Variants in SOX6 observed in about 807,000 individuals in gnomAD.
SOX6 encodes SRY-box transcription factor 6, also known as transcription factor SOX-6.
A neutral mutation model predicts 97.8 loss-of-function variants in SOX6; 11 were observed. The ratio of observed to expected loss-of-function variants is 0.11; its 90% CI spans 0.07 to 0.19. SOX6 has a LOEUF of 0.19. Among genes scored for constraint, SOX6 ranks in the 10% least tolerant of loss-of-function variants. The pLI, the probability that SOX6 is intolerant of heterozygous loss-of-function variation, is 1.00. For synonymous variants in SOX6, 360 were observed against 371.4 expected, an observed-to-expected ratio of 0.97 and a Z score of 0.35; for missense variants, 810 against 1,039.5, an observed-to-expected ratio of 0.78 and a Z score of 3.04.
At chr11:16,437,261 C>A (rs1440877091) in intron 1 of SOX6, among the ~76,000 whole-genome samples, 2 of 147,178 alleles carry the variant, frequency 1.4e-5, no homozygotes, top group East Asian at 4.1e-4. Flanking sequence ...AGAGCAAAAC[C>A]CTGTCTCTAT....
chr11:16,566,356 T>C (rs1320497202), intron 4 of SOX6, among the ~76,000 whole-genome samples: 2 of 152,224 alleles, frequency 1.3e-5, no homozygotes, highest in African/African-American at 4.8e-5. Context: ...TACCAAACTT[T>C]GAAATATTTA....
chr11:16,639,270 A>T (rs374899730), intron 3 of SOX6, among the ~76,000 whole-genome samples: 1 of 152,038 alleles, frequency 6.6e-6, no homozygotes, highest in Admixed American at 6.6e-5. Context: ...TTCCATTGGT[A>T]TATATCTCTG....
intron 12 of SOX6, among the ~76,000 whole-genome samples, chr11:16,021,364 A>T (rs756107770): frequency 3.3e-5 from 5 of 152,168 alleles, no homozygotes; most frequent in Non-Finnish European, 2.9e-5. Context: ...CTCCAGAAAC[A>T]TCACTTAACC....
chr11:16,014,771 T>C (rs1854830990), intron 13 of SOX6, among the ~76,000 whole-genome samples, 171 bp downstream of exon 13: 1 of 152,084 alleles, frequency 6.6e-6, no homozygotes, highest in African/African-American at 2.4e-5. Flanking sequence ...TCTACTATAA[T>C]GCACAACATA....
intron 1 of SOX6, among the ~76,000 whole-genome samples, chr11:16,391,977 G>A (rs973373964): frequency 2.6e-5 from 4 of 151,874 alleles, no homozygotes; most frequent in Admixed American, 6.6e-5. Flanking sequence ...CAGATGTCTA[G>A]CAATACAACA....
chr11:16,550,228 A>T (rs1847667077), intron 4 of SOX6, among the ~76,000 whole-genome samples: 2 of 152,062 alleles, frequency 1.3e-5, no homozygotes, highest in Non-Finnish European at 2.9e-5. Flanking sequence ...AGAAAACCAA[A>T]CACCCCATGT....
At chr11:16,536,529 G>A (rs527488466) in intron 4 of SOX6, among the ~76,000 whole-genome samples, 3 of 152,156 alleles carry the variant, frequency 2.0e-5, no homozygotes, top group Admixed American at 6.5e-5. Context: ...ACAAGGGGTC[G>A]GGGATCTCCC....
intron 1 of SOX6, among the ~76,000 whole-genome samples, chr11:16,466,892 C>A (rs1482257402): frequency 2.4e-5 from 3 of 125,844 alleles, no homozygotes; most frequent in Non-Finnish European, 4.7e-5. Context: ...GATCCCGCCA[C>A]TGCACTCCAG....
At chr11:16,480,978 G>A (rs1358925512), upstream of SOX6, among the ~76,000 whole-genome samples, 3 of 151,882 alleles carry the variant, frequency 2.0e-5, no homozygotes, top group East Asian at 3.9e-4. Flanking sequence ...GGAAAATATC[G>A]ATGCCTGGTC....
chr11:16,169,609 G>T (rs1260204898), intron 6 of SOX6, among the ~76,000 whole-genome samples: 1 of 151,908 alleles, frequency 6.6e-6, no homozygotes, highest in Non-Finnish European at 1.5e-5. Flanking sequence ...CAAACTAAGA[G>T]AATCATAGCC....
chr11:16,262,653 G>A (rs1853939520), intron 3 of SOX6, among the ~76,000 whole-genome samples: 2 of 152,020 alleles, frequency 1.3e-5, no homozygotes, highest in African/African-American at 4.8e-5. Context: ...ATAACATAGT[G>A]CTTTTTACAT....
Position 16,685,631 on chromosome 11 carries a change from C to A in SOX6, n.429+29199G>T, listed in dbSNP as rs1277362793. 4.6e-5 allele frequency among the ~76,000 whole-genome samples: 7 copies of A among 152,380 alleles called. No homozygotes were observed. The South Asian group carries it at 1.4e-3, about 32-fold the overall frequency. On this transcript the variant is annotated intron_variant and non_coding_transcript_variant, in intron 3 of 5. Coordinates refer to the SOX6 transcript ENST00000524520. ...CTGTGGCTTTGCAGGATGCAGCCCC[C>A]ACAGCTGCTCTCATGCACTAGAGCT...
At chr11:16,646,471 G>GT (rs527659052) in intron 3 of SOX6, among the ~76,000 whole-genome samples, 576 of 142,274 alleles carry the variant, frequency 4.0e-3, no homozygotes, top group Middle Eastern at 7.4e-3. Context: ...TATTTTCTTT[G>GT]TTTTTTTTTT....
At chr11:16,629,580 T>C (rs902319969) in intron 3 of SOX6, among the ~76,000 whole-genome samples, 1 of 152,150 alleles carries the variant, frequency 6.6e-6, no homozygotes, top group Non-Finnish European at 1.5e-5. Flanking sequence ...CTTTGCCAGG[T>C]TTGGGTATCA....
At chr11:16,107,075 T>A (rs1276573891) in intron 7 of SOX6, among the ~76,000 whole-genome samples, 2 of 151,900 alleles carry the variant, frequency 1.3e-5, no homozygotes, top group East Asian at 3.9e-4. Context: ...AATAAAAAAA[T>A]TTAGTTGAAA....
chr11:16,198,370 A>C (rs1313953989), intron 4 of SOX6, among the ~76,000 whole-genome samples: 1 of 151,854 alleles, frequency 6.6e-6, no homozygotes, highest in Non-Finnish European at 1.5e-5. Context: ...TTAAAGATTT[A>C]AAATCACTTT....
chr11:16,164,745 C>T (rs1407854294), intron 6 of SOX6, among the ~76,000 whole-genome samples: 3 of 151,478 alleles, frequency 2.0e-5, no homozygotes, highest in Non-Finnish European at 4.4e-5. Context: ...ATCACTTGAA[C>T]CTGGGAGGCG....
intron 3 of SOX6, among the ~76,000 whole-genome samples, chr11:16,298,373 G>A (rs1041841321): frequency 1.3e-5 from 2 of 152,018 alleles, no homozygotes; most frequent in Non-Finnish European, 2.9e-5. Context: ...TGTCTAAAAT[G>A]TAAGGAATTT....
chr11:16,327,193 T>C (rs1258365460), intron 2 of SOX6, among the ~76,000 whole-genome samples: 3 of 152,188 alleles, frequency 2.0e-5, no homozygotes, highest in Non-Finnish European at 4.4e-5. Flanking sequence ...AATTAGACTC[T>C]GCATTTTTAT....
Sources: gnomAD v4.1 joint callset for allele counts (sites outside exome capture counted in the v4.1 genomes callset) on GRCh38, gnomAD v4.1.1 for gene constraint, MANE v1.5 for transcripts, NCBI Gene and HGNC (gene_info 2026-07-23, HGNC 2026-07-21) for gene names.